ARAP2: variants seen among roughly 807,000 people sequenced by gnomAD.
ARAP2 encodes the protein arf-GAP with Rho-GAP domain, ANK repeat and PH domain-containing protein 2.
A neutral mutation model predicts 194.5 loss-of-function variants in ARAP2; 148 were observed. The ratio of observed to expected loss-of-function variants is 0.76; its 90% confidence interval spans 0.67 to 0.87. The LOEUF (loss-of-function observed/expected upper bound fraction) is 0.87, where lower values mean the gene tolerates loss of function less well. ARAP2 is among the 40% of genes least tolerant of loss of function. The pLI is 0.00. For missense variants in ARAP2, 2,128 were observed against 1,989.7 expected (o/e 1.07, Z -1.32); for synonymous variants, 695 against 683.5 (o/e 1.02, Z -0.26).
chr4:36,205,752 C>A (rs1175374060), intron 6 of ARAP2, among the ~76,000 whole-genome samples: 1 of 152,192 alleles, frequency 6.6e-6, no homozygotes, highest in Non-Finnish European at 1.5e-5. Context: ...AGTCACACAG[C>A]AAATGAATGA....
At chr4:36,199,901 T>C (rs1462431105) in intron 6 of ARAP2, among the ~76,000 whole-genome samples, 2 of 152,218 alleles carry the variant, frequency 1.3e-5, no homozygotes, top group Non-Finnish European at 2.9e-5. Flanking sequence ...TTGTGTTAAT[T>C]ATTTCACAAT....
chr4:36,103,759 C>T (rs1290966184), intron 27 of ARAP2, among the ~76,000 whole-genome samples: 1 of 151,772 alleles, frequency 6.6e-6, no homozygotes, highest in East Asian at 1.9e-4. Flanking sequence ...TATGTTACCT[C>T]CTTACCTTAA....
At chr4:36,023,482 C>T (rs747024197) in intron 5 of ARAP2, among the ~76,000 whole-genome samples, 11 of 151,862 alleles carry the variant, frequency 7.2e-5, no homozygotes, top group Admixed American at 1.3e-4. Context: ...TGGGAACATC[C>T]GTAGGAAAGG....
At chr4:36,161,151 ACACAC>A (rs1387668038) in intron 12 of ARAP2, among the ~76,000 whole-genome samples, 2 of 26,476 alleles carry the variant, frequency 7.6e-5, no homozygotes, top group African/African-American at 7.0e-4. Context: ...ACACAAACAC[ACACAC>A]ACACACACAC....
chr4:36,236,192 A>T (rs999264947), intron 1 of ARAP2, among the ~76,000 whole-genome samples: 1 of 151,862 alleles, frequency 6.6e-6, no homozygotes, highest in African/African-American at 2.4e-5. Flanking sequence ...AAAAAAAAAA[A>T]AAAAATTAAT....
chr4:36,135,087 A>T (rs1171492924), intron 19 of ARAP2, among the ~76,000 whole-genome samples: 3 of 151,768 alleles, frequency 2.0e-5, no homozygotes, highest in African/African-American at 7.2e-5. Context: ...CACTAGATAC[A>T]AAGTTTGCTT....
At chr4:36,199,202 T>C (rs1427230948) in intron 6 of ARAP2, among the ~76,000 whole-genome samples, 1 of 152,244 alleles carries the variant, frequency 6.6e-6, no homozygotes, top group Non-Finnish European at 1.5e-5. Context: ...CATCACTACC[T>C]TGTTATTAAA....
intron 21 of ARAP2, among the ~76,000 whole-genome samples, chr4:36,127,726 T>C (rs746592370): frequency 6.6e-6 from 1 of 151,872 alleles, no homozygotes; most frequent in African/African-American, 2.4e-5. Flanking sequence ...AAAATTATCA[T>C]TTGGAAAATA....
chr4:36,165,254 T>C, intron 10 of ARAP2, 141 bp from the exon 11 acceptor site: 2 of 726,420 alleles, frequency 2.8e-6, no homozygotes, highest in Non-Finnish European at 4.4e-6. Context: ...GGGTTGTCTT[T>C]TCTGTTAAAA....
intron 26 of ARAP2, among the ~76,000 whole-genome samples, chr4:36,108,169 A>G (rs1206710936): frequency 6.6e-6 from 1 of 151,894 alleles, no homozygotes; most frequent in Non-Finnish European, 1.5e-5. Context: ...AAGTGGTGGG[A>G]TGAACAGGCA....
intron 6 of ARAP2, among the ~76,000 whole-genome samples, chr4:36,207,009 A>G (rs1745674505): frequency 6.6e-6 from 1 of 152,264 alleles, no homozygotes; most frequent in Non-Finnish European, 1.5e-5. Context: ...GAAAATAGTA[A>G]TGTAAAAATT....
intron 23 of ARAP2, among the ~76,000 whole-genome samples, chr4:36,120,005 A>G (rs1164279358): frequency 6.6e-6 from 1 of 151,562 alleles, no homozygotes; most frequent in East Asian, 1.9e-4. Context: ...GACTGGCTTA[A>G]GTTTATGTAG....
Position 36,079,173 on chromosome 4 carries a change from CAAAAAAA to C in ARAP2, c.4608+1036_4608+1042del, listed in dbSNP as rs34229260. Among the ~76,000 whole-genome samples, 7 of 77,612 alleles carry C rather than the reference CAAAAAAA, an allele frequency of 9.0e-5. No homozygotes were observed. In the East Asian group the frequency reaches 1.2e-3, roughly 13 times the overall value. The allele number at this position is 77,612 out of a possible 152,430, so 50.9% of individuals were successfully genotyped here. ...TGGGCAACAGAGCAAGACTCTGTCT[CAAAAAAA>C]AAAAAAAAAAAAAAAAGTTGAATAT... is the stretch of plus-strand genomic sequence containing the variant. On this transcript the variant is annotated intron_variant, in intron 31 of 32. Transcript: ENST00000303965.
intron 9 of ARAP2, 57 bp from the exon 10 acceptor site, chr4:36,167,104 G>T: frequency 9.7e-7 from 1 of 1,030,796 alleles, no homozygotes. Context: ...GATTTTGAAA[G>T]TATAATTACA....
intron 31 of ARAP2, among the ~76,000 whole-genome samples, chr4:36,074,999 C>G (rs932859395): frequency 6.6e-6 from 1 of 151,984 alleles, no homozygotes; most frequent in African/African-American, 2.4e-5. Context: ...ACCTTAGTTC[C>G]GCAAATCTAT....
intron 27 of ARAP2, among the ~76,000 whole-genome samples, chr4:36,095,237 G>C (rs958700021): frequency 1.3e-5 from 2 of 152,152 alleles, no homozygotes; most frequent in African/African-American, 2.4e-5. Flanking sequence ...TAGTTTGAAT[G>C]CATGCCCTAA....
In ARAP2 at chr4:36,229,063, A is replaced by T; in HGVS notation, c.424T>A (p.Ser142Thr). The T allele has an allele frequency of 6.2e-7, 1 of 1,614,078 alleles. No homozygotes were observed. The highest frequency in any genetic ancestry group is 8.5e-7 in the Non-Finnish European group (1 of 1,179,988). The stretch of plus-strand genomic sequence containing the variant: ...TTAGGAGGAGACAGCTTATCATCTG[A>T]TTGAGGATACTGGCTTCTTTCCACA... ...ASVERSQYPQ[S>T]DDKLSPPKRD... The change falls in exon 2 of 33, where the codon TCA (serine) becomes ACA (threonine). Residue 142 changes from serine to threonine, a missense_variant. Physicochemically the swap from Ser to Thr is moderately conservative, Grantham distance 58 (BLOSUM62 1). Coordinates refer to ENST00000303965, the MANE Select transcript of ARAP2 (RefSeq NM_015230.4).
chr4:36,223,328 T>G (rs1749562018), intron 2 of ARAP2, among the ~76,000 whole-genome samples: 1 of 152,094 alleles, frequency 6.6e-6, no homozygotes, highest in South Asian at 2.1e-4. Context: ...ACTTGCTAAA[T>G]GTCTTGTTAC....
intron 22 of ARAP2, 48 bp downstream of exon 22, chr4:36,124,814 T>C (rs1034852966): frequency 2.6e-6 from 3 of 1,150,462 alleles, no homozygotes; most frequent in East Asian, 2.4e-5. Flanking sequence ...TAATGACTTA[T>C]TGAGTGCTGT....
Sources: allele counts gnomAD v4.1 joint callset (sites outside exome capture counted in the v4.1 genomes callset), GRCh38; gene constraint gnomAD v4.1.1; transcripts MANE v1.5; gene names NCBI Gene and HGNC (gene_info 2026-07-23, HGNC 2026-07-21).